Variants in TEX11 observed in about 807,000 individuals in gnomAD.
TEX11 encodes the protein testis-expressed protein 11.
TEX11 carries 7 observed loss-of-function variants against 84.4 expected under a neutral mutation model. The observed-to-expected ratio is 0.08, with a 90% CI of 0.05 to 0.16. The LOEUF is 0.16. TEX11 is among the 10% of genes least tolerant of loss of function. The pLI is 1.00. For missense variants in TEX11, 551 were observed against 660.5 expected (o/e 0.83, Z 1.82); for synonymous variants, 264 against 222.8 (o/e 1.18, Z -1.64).
At chrX:70,561,482 G>A (rs1028548504) in intron 25 of TEX11, among the ~76,000 whole-genome samples, 1 of 105,186 alleles carries the variant, frequency 9.5e-6, no homozygotes, top group Non-Finnish European at 1.9e-5. Context: ...TCACTTCCTG[G>A]GTTCAAGCAA....
chrX:70,578,372 C>T (rs2088708608), intron 25 of TEX11, among the ~76,000 whole-genome samples: 1 of 111,874 alleles, frequency 8.9e-6, no homozygotes, highest in Admixed American at 9.5e-5. Context: ...TATCTAGTCA[C>T]TGATGGGTGG....
At chrX:70,581,381 C>T (rs1603099432) in intron 25 of TEX11, among the ~76,000 whole-genome samples, 1 of 103,826 alleles carries the variant, frequency 9.6e-6, no homozygotes, top group Admixed American at 1.1e-4. Context: ...TCACTGCAAC[C>T]TCCGCCTGCT....
rs1226341977 is a variant in TEX11, at chrX:70,572,093, T to G, written c.2141-17293A>C. Among the ~76,000 whole-genome samples, 611 of 109,884 alleles carry G rather than the reference T, an allele frequency of 5.6e-3. 4 individuals are homozygous for G. Among genetic ancestry groups the G allele is most frequent in the African/African-American group, 0.019 (582 of 30,264 alleles). On this transcript the variant is annotated intron_variant, in intron 25 of 29. Coordinates refer to ENST00000374333, the MANE Select transcript of TEX11 (RefSeq NM_031276.3). ...ACAGAATGGGAGATAATTTTTGCAA[T>G]CTACTCATCTGACAAAGGGCTAATA...
At chrX:70,677,231 C>G (rs1425004973) in intron 15 of TEX11, among the ~76,000 whole-genome samples, 1 of 111,621 alleles carries the variant, frequency 9.0e-6, no homozygotes, top group Non-Finnish European at 1.9e-5. Context: ...CCTTTCACAC[C>G]ATAGGTTTAT....
chrX:70,674,956 T>A (rs1437974067), intron 15 of TEX11, among the ~76,000 whole-genome samples: 2 of 111,184 alleles, frequency 1.8e-5, no homozygotes, highest in African/African-American at 6.5e-5. Flanking sequence ...TAAAAAAAAC[T>A]CTTTGTTTTG....
chrX:70,878,356 A>T (rs1271557996), intron 3 of TEX11, among the ~76,000 whole-genome samples: 1 of 109,793 alleles, frequency 9.1e-6, no homozygotes, highest in African/African-American at 3.3e-5. Context: ...TATTTTTAGT[A>T]GAGACAGGGT....
intron 9 of TEX11, among the ~76,000 whole-genome samples, chrX:70,765,293 C>T (rs975703984): frequency 9.0e-6 from 1 of 110,838 alleles, no homozygotes; most frequent in African/African-American, 3.3e-5. Context: ...GGCTGAGGCA[C>T]GAGAATCACT....
At chrX:70,585,316 C>A (rs142934589) in intron 25 of TEX11, among the ~76,000 whole-genome samples, 124 of 112,105 alleles carry the variant, frequency 1.1e-3, no homozygotes, top group African/African-American at 3.8e-3. Flanking sequence ...GGTGGAAGAT[C>A]TGTACAATGA....
At chrX:70,685,513 G>A (rs1428307703) in intron 13 of TEX11, among the ~76,000 whole-genome samples, 1 of 112,233 alleles carries the variant, frequency 8.9e-6, no homozygotes, top group African/African-American at 3.2e-5. Flanking sequence ...GAAAAAAATA[G>A]GGAAGAAGCT....
At chrX:70,591,674 C>G (rs888339361) in intron 25 of TEX11, 77 bp downstream of exon 25, 52 of 785,478 alleles carry the variant, frequency 6.6e-5, no homozygotes, top group Non-Finnish European at 9.6e-5. Flanking sequence ...GCACAAATTT[C>G]TGGTGACAAA....
intron 8 of TEX11, among the ~76,000 whole-genome samples, chrX:70,818,829 A>G (rs912884469): frequency 1.8e-5 from 2 of 111,649 alleles, no homozygotes; most frequent in East Asian, 5.6e-4. Context: ...AAACCAGTCC[A>G]CAATGTCTGC....
chrX:70,722,047 T>C (rs2090563581), intron 13 of TEX11, among the ~76,000 whole-genome samples: 1 of 111,804 alleles, frequency 8.9e-6, no homozygotes, highest in Admixed American at 9.5e-5. Context: ...ATATGAGGCA[T>C]ATAGTTTCAT....
intron 2 of TEX11, among the ~76,000 whole-genome samples, chrX:70,887,742 G>A (rs1030880712): frequency 8.9e-6 from 1 of 112,370 alleles, no homozygotes; most frequent in African/African-American, 3.2e-5. Context: ...GGTAGCAGCG[G>A]GCCTTGGTTA....
At chrX:70,720,772 T>TAA (rs1491050402) in intron 13 of TEX11, among the ~76,000 whole-genome samples, 1 of 94,324 alleles carries the variant, frequency 1.1e-5, no homozygotes. Context: ...TACATATATA[T>TAA]AATATATATA....
intron 14 of TEX11, among the ~76,000 whole-genome samples, chrX:70,679,162 A>G (rs2090106234): frequency 8.9e-6 from 1 of 112,699 alleles, no homozygotes; most frequent in Non-Finnish European, 1.9e-5. Context: ...GCTGGTCTCC[A>G]GCTCCTAACC....
At chrX:70,860,769 C>A (rs2091564400) in intron 5 of TEX11, 88 bp downstream of exon 5, 6 of 603,071 alleles carry the variant, frequency 9.9e-6, no homozygotes, top group Non-Finnish European at 1.6e-5. Flanking sequence ...AGATTCAACC[C>A]CCTTCCAGTT....
intron 25 of TEX11, among the ~76,000 whole-genome samples, chrX:70,582,702 T>G (rs78217503): frequency 0.078 from 8,384 of 107,758 alleles, 411 homozygotes; most frequent in Admixed American, 0.25. Context: ...TATGTTAGAA[T>G]TGTGTTACCT....
Position 70,554,657 on chromosome X carries a change from T to C in TEX11, c.2284A>G (p.Ile762Val). Reference protein sequence around the residue: ...PHLETKTFETIAIIAMEKPAH... With the variant: ...PHLETKTFETVAIIAMEKPAH... ...GCATAAATATAGCTCTTACTTGCAA[T>C]TGTTTCAAAAGTTTTAGTTTCTAAA... is the stretch of plus-strand genomic sequence containing the variant. Residue 762 changes from isoleucine (I) to valine (V), a missense_variant, in exon 26 of 30, where the codon ATT becomes GTT. Ile to Val is a conservative substitution (Grantham distance 29, BLOSUM62 3). Coordinates refer to ENST00000374333, the MANE Select transcript of TEX11 (RefSeq NM_031276.3). The C allele has an allele frequency of 8.4e-7, 1 of 1,196,865 alleles. No homozygotes were observed. Among genetic ancestry groups the C allele is most frequent in the Non-Finnish European group, 1.1e-6 (1 of 889,443 alleles).
chrX:70,775,061 A>C (rs1171665775), intron 9 of TEX11, among the ~76,000 whole-genome samples: 4 of 112,150 alleles, frequency 3.6e-5, no homozygotes, highest in African/African-American at 1.3e-4. Flanking sequence ...TTTACAGCCA[A>C]CTAATTTTTG....
Sources: allele counts gnomAD v4.1 joint callset (sites outside exome capture counted in the v4.1 genomes callset), GRCh38; gene constraint gnomAD v4.1.1; transcripts MANE v1.5; gene names NCBI Gene and HGNC (gene_info 2026-07-23, HGNC 2026-07-21).